GUCY1A2: variants seen among roughly 807,000 people sequenced by gnomAD.
GUCY1A2 encodes guanylate cyclase soluble subunit alpha-2.
A neutral mutation model predicts 63.5 loss-of-function variants in GUCY1A2; 27 were observed. The ratio of observed to expected loss-of-function variants is 0.43; its 90% CI spans 0.31 to 0.59. GUCY1A2 has a LOEUF of 0.59. GUCY1A2 is among the 20% of genes least tolerant of loss of function. The pLI is 0.11. For missense variants in GUCY1A2, 768 were observed against 913.3 expected, an observed-to-expected ratio of 0.84 and a Z score of 2.05; for synonymous variants, 364 against 343.5, an observed-to-expected ratio of 1.06 and a Z score of -0.66.
At chr11:106,808,281 T>C (rs768743959) in intron 5 of GUCY1A2, among the ~76,000 whole-genome samples, 6 of 152,032 alleles carry the variant, frequency 3.9e-5, no homozygotes, top group Non-Finnish European at 7.4e-5. Context: ...TATATATATA[T>C]ATTTATATAA....
intron 4 of GUCY1A2, among the ~76,000 whole-genome samples, chr11:106,917,577 A>C (rs1322627494): frequency 6.9e-6 from 1 of 144,672 alleles, no homozygotes; most frequent in Non-Finnish European, 1.6e-5. Flanking sequence ...GATTAAGAAA[A>C]TGTGGCACAT....
At chr11:106,992,273 C>T (rs539578899) in intron 1 of GUCY1A2, among the ~76,000 whole-genome samples, 2 of 151,006 alleles carry the variant, frequency 1.3e-5, no homozygotes, top group African/African-American at 4.9e-5. Context: ...GTAATCTGTT[C>T]ACCCTCACGT....
At chr11:106,687,812 T>C (rs776451469) in intron 7 of GUCY1A2, 56 bp from the exon 8 acceptor site, 1 of 1,193,122 alleles carries the variant, frequency 8.4e-7, no homozygotes, top group African/African-American at 1.5e-5. Context: ...TGTAAATACA[T>C]GGACAGAAAT....
intron 5 of GUCY1A2, among the ~76,000 whole-genome samples, chr11:106,796,958 G>A (rs1267108109): frequency 2.0e-5 from 3 of 151,958 alleles, no homozygotes; most frequent in Admixed American, 1.3e-4. Context: ...ATATTTCTTG[G>A]AGGCTTTGTT....
chr11:106,819,582 A>T (rs1420572987), intron 4 of GUCY1A2, among the ~76,000 whole-genome samples: 6 of 152,220 alleles, frequency 3.9e-5, no homozygotes, highest in Non-Finnish European at 1.5e-5. Flanking sequence ...ATTTTTAGCA[A>T]TAAAGTTTTT....
chr11:106,708,493 G>A lies in GUCY1A2; in HGVS notation c.1991+19C>T, dbSNP rs1191526586. On this transcript the variant is annotated intron_variant, in intron 7 of 7. Transcript: ENST00000526355. Reference sequence around the variant, plus strand: ...AAACAAAGGCCAAGACAGGAAGGAGGAGGCCAGAGAACACTTACTGGTAAG... The same window carrying A: ...AAACAAAGGCCAAGACAGGAAGGAGAAGGCCAGAGAACACTTACTGGTAAG... 7.5e-6 allele frequency: 12 copies of A among 1,594,980 alleles called. No homozygotes were observed. Among genetic ancestry groups the A allele is most frequent in the Non-Finnish European group, 1.0e-5 (12 of 1,167,230 alleles).
At chr11:106,850,458 A>G (rs77131587) in intron 4 of GUCY1A2, among the ~76,000 whole-genome samples, 34 of 151,828 alleles carry the variant, frequency 2.2e-4, no homozygotes, top group Admixed American at 1.4e-3. Context: ...CCACCTATCT[A>G]GCTGTAATTT....
chr11:106,695,325 G>T (rs143844426), intron 7 of GUCY1A2, among the ~76,000 whole-genome samples: 5 of 152,246 alleles, frequency 3.3e-5, no homozygotes, highest in Non-Finnish European at 7.4e-5. Flanking sequence ...TCCGAAAAGG[G>T]TAATGATAAA....
At position 106,676,836 on chromosome 11, in the gene GUCY1A2, A is replaced by C; in HGVS notation, c.*10713T>G. 5.0e-6 allele frequency: 1 copy of C among 199,516 alleles called. No homozygotes were observed. The highest frequency in any genetic ancestry group is 1.0e-5 in the Non-Finnish European group (1 of 96,544). 12.4% of individuals were successfully genotyped at this position (199,516 alleles called of 1,614,324 possible). On this transcript the variant is annotated 3_prime_UTR_variant, in exon 8 of 8. Transcript: ENST00000526355. ...TGAAAATAAGAGGTTTTTCTAACTT[A>C]AGACATTTGTAAGGGGGTAAAAATA...
intron 4 of GUCY1A2, among the ~76,000 whole-genome samples, chr11:106,853,701 T>C (rs532308789): frequency 6.6e-6 from 1 of 152,308 alleles, no homozygotes; most frequent in South Asian, 2.1e-4. Flanking sequence ...GTAAGTGTCA[T>C]GTTTCCTTGC....
At chr11:106,922,119 A>G (rs1015391989) in intron 4 of GUCY1A2, among the ~76,000 whole-genome samples, 2 of 152,170 alleles carry the variant, frequency 1.3e-5, no homozygotes, top group African/African-American at 2.4e-5. Flanking sequence ...TCTAAGTGAG[A>G]TATCAGCAGA....
In GUCY1A2 at chr11:106,687,501, T is replaced by G; in HGVS notation, c.*48A>C. On this transcript the variant is annotated 3_prime_UTR_variant, in exon 8 of 8. Coordinates refer to ENST00000526355, the MANE Select transcript of GUCY1A2 (RefSeq NM_000855.3). ...CTTTCCACCCCCCATTGGTGACCCA[T>G]GTTCTGGGCTTGTGCTTTTTGGAGG... The G allele has an allele frequency of 7.3e-7, 1 of 1,369,534 alleles. No homozygotes were observed. The highest frequency in any genetic ancestry group is 1.0e-6 in the Non-Finnish European group (1 of 958,424). 84.8% of individuals were successfully genotyped at this position (1,369,534 alleles called of 1,614,324 possible). A position where few individuals can be genotyped will look rare whatever the true frequency, so the allele number is the denominator to read the frequency against.
At chr11:106,949,723 A>G (rs1281904427) in intron 3 of GUCY1A2, among the ~76,000 whole-genome samples, 1 of 152,188 alleles carries the variant, frequency 6.6e-6, no homozygotes, top group Non-Finnish European at 1.5e-5. Context: ...GGCCACCAAA[A>G]AAGAGTAGAT....
At chr11:106,751,369 T>A (rs1352683924) in intron 6 of GUCY1A2, among the ~76,000 whole-genome samples, 2 of 152,086 alleles carry the variant, frequency 1.3e-5, no homozygotes, top group East Asian at 3.8e-4. Context: ...AAATGATCAG[T>A]TTCATTAAAC....
At chr11:106,748,051 C>T (rs1302868015) in intron 6 of GUCY1A2, among the ~76,000 whole-genome samples, 1 of 152,088 alleles carries the variant, frequency 6.6e-6, no homozygotes, top group African/African-American at 2.4e-5. Context: ...TTCTTAAGCT[C>T]TCATTTCCTC....
At chr11:106,853,421 T>C (rs1316169674) in intron 4 of GUCY1A2, among the ~76,000 whole-genome samples, 4 of 152,024 alleles carry the variant, frequency 2.6e-5, no homozygotes, top group African/African-American at 7.2e-5. Context: ...TTATTTCTTC[T>C]GCTTGATCTA....
intron 4 of GUCY1A2, among the ~76,000 whole-genome samples, chr11:106,917,275 C>T (rs1327610367): frequency 1.4e-5 from 2 of 143,904 alleles, no homozygotes. Context: ...ATTCAAAGGC[C>T]CTGTGGCAAC....
intron 4 of GUCY1A2, among the ~76,000 whole-genome samples, chr11:106,895,649 A>G (rs934932470): frequency 3.9e-5 from 6 of 152,124 alleles, no homozygotes; most frequent in Non-Finnish European, 7.4e-5. Flanking sequence ...GCCATGTGGA[A>G]CTGTGAGTTC....
chr11:106,875,226 C>T (rs1859733730), intron 4 of GUCY1A2, among the ~76,000 whole-genome samples: 1 of 152,088 alleles, frequency 6.6e-6, no homozygotes, highest in African/African-American at 2.4e-5. Flanking sequence ...ATCTAGCTCA[C>T]TCCTTCTGCC....
Sources: gnomAD v4.1 joint callset for allele counts (sites outside exome capture counted in the v4.1 genomes callset) on GRCh38, gnomAD v4.1.1 for gene constraint, MANE v1.5 for transcripts, NCBI Gene and HGNC (gene_info 2026-07-23, HGNC 2026-07-21) for gene names.